GALNT17: variants seen among roughly 807,000 people sequenced by gnomAD.
GALNT17 encodes polypeptide N-acetylgalactosaminyltransferase 17, also known as UDP-GalNAc:polypeptide N-acetylgalactosaminyltransferase-like 3.
Under a neutral mutation model 63.7 loss-of-function variants are expected in GALNT17, and 29 were observed. The observed-to-expected ratio is 0.46, with a 90% CI of 0.34 to 0.62. The LOEUF is 0.62. Among genes scored for constraint, GALNT17 ranks in the 20% least tolerant of loss-of-function variants. The probability of loss-of-function intolerance (pLI) is 0.01; values close to 1 mark genes in which losing one functional copy is unlikely to be tolerated. For synonymous variants in GALNT17, 305 were observed against 318.3 expected (o/e 0.96, Z 0.45); for missense variants, 603 against 799.6 (o/e 0.75, Z 2.97).
chr7:71,623,219 T>C (rs1790321857), intron 6 of GALNT17, among the ~76,000 whole-genome samples: 1 of 152,134 alleles, frequency 6.6e-6, no homozygotes, highest in Non-Finnish European at 1.5e-5. Context: ...ATTAGGCAAG[T>C]TACTTAATCT....
intron 1 of GALNT17, among the ~76,000 whole-genome samples, chr7:71,164,578 G>T (rs957036724): frequency 6.6e-6 from 1 of 152,222 alleles, no homozygotes; most frequent in East Asian, 1.9e-4. Context: ...AAGGGAAATA[G>T]TGAGGAAGTG....
At chr7:71,166,531 G>T (rs1330487971) in intron 1 of GALNT17, among the ~76,000 whole-genome samples, 3 of 152,102 alleles carry the variant, frequency 2.0e-5, no homozygotes, top group Non-Finnish European at 4.4e-5. Flanking sequence ...CTTTACTGAG[G>T]CAACCACTGA....
At chr7:71,240,448 C>A (rs1447918438) in intron 1 of GALNT17, among the ~76,000 whole-genome samples, 1 of 151,920 alleles carries the variant, frequency 6.6e-6, no homozygotes, top group East Asian at 1.9e-4. Flanking sequence ...ATTTGGAGTC[C>A]CCAGTGTCTG....
chr7:71,134,016 G>C (rs1217883898), intron 1 of GALNT17, among the ~76,000 whole-genome samples: 1 of 152,226 alleles, frequency 6.6e-6, no homozygotes, highest in Non-Finnish European at 1.5e-5. Context: ...CTCTGTGCCA[G>C]ATGCGTGCAA....
chr7:71,135,339 C>G (rs1787764390), intron 1 of GALNT17, among the ~76,000 whole-genome samples: 1 of 152,164 alleles, frequency 6.6e-6, no homozygotes, highest in East Asian at 1.9e-4. Flanking sequence ...CCACCCATCC[C>G]CAGTTGAGAA....
At chr7:71,561,840 CAG>C (rs1008021755) in intron 5 of GALNT17, among the ~76,000 whole-genome samples, 29 of 152,156 alleles carry the variant, frequency 1.9e-4, no homozygotes, top group African/African-American at 4.6e-4. Flanking sequence ...TGTCACCAAA[CAG>C]GGGAATGAGG....
chr7:71,689,806 A>G (rs1321847576), intron 9 of GALNT17, among the ~76,000 whole-genome samples: 1 of 152,224 alleles, frequency 6.6e-6, no homozygotes, highest in Non-Finnish European at 1.5e-5. Flanking sequence ...GGAGAAGTCC[A>G]TGCCTGGCTT....
At chr7:71,530,420 T>A (rs1055544371) in intron 5 of GALNT17, among the ~76,000 whole-genome samples, 20 of 152,284 alleles carry the variant, frequency 1.3e-4, no homozygotes, top group Admixed American at 5.2e-4. Flanking sequence ...TCATTTTCTA[T>A]CTCAGTTATT....
intron 6 of GALNT17, among the ~76,000 whole-genome samples, chr7:71,635,186 G>A (rs558960489): frequency 3.0e-5 from 4 of 134,020 alleles, no homozygotes; most frequent in Admixed American, 8.7e-5. Flanking sequence ...CAGCCTGGGT[G>A]ACAGAGTGAG....
intron 6 of GALNT17, among the ~76,000 whole-genome samples, chr7:71,612,436 G>A (rs1004583554): frequency 3.3e-5 from 5 of 152,200 alleles, no homozygotes; most frequent in Admixed American, 2.0e-4. Context: ...CCAGCTCCAC[G>A]CTCTTCGTGC....
chr7:71,196,067 G>T (rs1182701367), intron 1 of GALNT17, among the ~76,000 whole-genome samples: 1 of 152,062 alleles, frequency 6.6e-6, no homozygotes. Context: ...AAGCTTGCAC[G>T]CAGTCTCCTC....
chr7:71,660,241 C>G (rs888460182), intron 6 of GALNT17, among the ~76,000 whole-genome samples: 2 of 152,196 alleles, frequency 1.3e-5, no homozygotes, highest in African/African-American at 2.4e-5. Context: ...CCCCACTTCC[C>G]TAGCAAAGGG....
chr7:71,144,998 G>A (rs998732340), intron 1 of GALNT17, among the ~76,000 whole-genome samples: 2 of 152,176 alleles, frequency 1.3e-5, no homozygotes, highest in African/African-American at 4.8e-5. Context: ...AAAATGCTGG[G>A]AATACAGGTG....
At chr7:71,388,189 T>C (rs1465153803) in intron 2 of GALNT17, 46 bp from the exon 3 acceptor site, 1 of 1,593,500 alleles carries the variant, frequency 6.3e-7, no homozygotes, top group Non-Finnish European at 8.6e-7. Context: ...GTGCCTGAGC[T>C]TTTATCCTTC....
At chr7:71,193,753 A>C (rs895210681) in intron 1 of GALNT17, among the ~76,000 whole-genome samples, 4 of 152,108 alleles carry the variant, frequency 2.6e-5, no homozygotes, top group Non-Finnish European at 5.9e-5. Flanking sequence ...AAATAGCAGT[A>C]TTCTTATTTC....
rs151184959 is a variant in GALNT17 at position 71,637,374 on chromosome 7, A to G, written c.1081-28037A>G. Among the ~76,000 whole-genome samples, 743 of 152,136 alleles carry G rather than the reference A, an allele frequency of 4.9e-3. 14 individuals are homozygous for G. The highest frequency in any genetic ancestry group is 0.017 in the African/African-American group (715 of 41,516). On this transcript the variant is annotated intron_variant, in intron 6 of 10. Transcript: ENST00000333538. ...TAATTTTTTGTATTTTAGTAGAGAC[A>G]GGATTTCACCATGTTGGCCAGAATT...
intron 9 of GALNT17, among the ~76,000 whole-genome samples, chr7:71,677,968 G>T (rs566190313): frequency 5.3e-5 from 8 of 152,222 alleles, no homozygotes; most frequent in African/African-American, 1.9e-4. Context: ...ACAGGTTACT[G>T]TTCAAATCCT....
chr7:71,707,950 A>G (rs1791743172), intron 9 of GALNT17, among the ~76,000 whole-genome samples: 1 of 152,196 alleles, frequency 6.6e-6, no homozygotes, highest in African/African-American at 2.4e-5. Context: ...CCATCTTGCC[A>G]TGGGTGTATA....
intron 5 of GALNT17, among the ~76,000 whole-genome samples, chr7:71,462,557 G>A (rs552972120): frequency 2.6e-5 from 4 of 152,268 alleles, no homozygotes; most frequent in East Asian, 1.9e-4. Context: ...CAAGGTGGTC[G>A]GGGCACAGCT....
Sources: allele counts gnomAD v4.1 joint callset (sites outside exome capture counted in the v4.1 genomes callset), GRCh38; gene constraint gnomAD v4.1.1; transcripts MANE v1.5; gene names NCBI Gene and HGNC (gene_info 2026-07-23, HGNC 2026-07-21).